The following CATSPER2 variants were observed in gnomAD, a reference collection of about 807,000 sequenced individuals.
CATSPER2 encodes the protein cation channel sperm-associated protein 2.
Under a neutral mutation model 68.8 loss-of-function variants are expected in CATSPER2, and 56 were observed. The observed-to-expected ratio is 0.81, with a 90% CI of 0.66 to 1.02. The LOEUF (loss-of-function observed/expected upper bound fraction) is 1.02. Ranked by LOEUF, CATSPER2 falls within the 50% of genes least tolerant of loss-of-function variation. The pLI is 0.00. For missense variants in CATSPER2, 582 were observed against 642.0 expected (o/e 0.91, Z 1.01); for synonymous variants, 198 against 229.9 (o/e 0.86, Z 1.26).
rs1242751753 is a variant in CATSPER2, at chr15:43,640,440, C to T, written c.445G>A (p.Ala149Thr). 6 of 1,613,178 alleles carry T rather than the reference C, an allele frequency of 3.7e-6. 1 individual carries two copies. Among genetic ancestry groups the T allele is most frequent in the Non-Finnish European group, 5.1e-6 (6 of 1,179,442 alleles). The change falls in exon 5 of 13, where the codon GCA becomes ACA. Residue 149 changes from alanine (A) to threonine (T), a missense_variant. By Grantham distance (58) the Ala-to-Thr change is moderately conservative (BLOSUM62 0). Transcript: ENST00000396879. ...LWPLKLTLEV[A>T]AWFILLIFIL... ...AAAATAAGCAAGATAAACCAAGCTG[C>T]CACCTCCAAGGTCAGCTTCAATGGC...
At chr15:43,630,847 CTTTAAA>C in intron 12 of CATSPER2, 115 bp from the exon 13 acceptor site, 1 of 1,594,728 alleles carries the variant, frequency 6.3e-7, no homozygotes, top group Non-Finnish European at 8.6e-7. Flanking sequence ...CTTTACTAAT[CTTTAAA>C]TTAAGCCATA....
At chr15:43,641,809 A>C (rs2086079586) in intron 4 of CATSPER2, among the ~76,000 whole-genome samples, 1 of 151,960 alleles carries the variant, frequency 6.6e-6, no homozygotes, top group Non-Finnish European at 1.5e-5. Flanking sequence ...TCCGGGCTCA[A>C]GAGCCTCTGG....
At chr15:43,638,258 C>G (rs902685279) in intron 7 of CATSPER2, among the ~76,000 whole-genome samples, 9 of 140,690 alleles carry the variant, frequency 6.4e-5, no homozygotes, top group Admixed American at 1.4e-4. Flanking sequence ...CCAGCCTATT[C>G]CCATTTTTCT....
Position 43,646,292 on chromosome 15 carries a change from T to TC in CATSPER2, c.388+757dup, listed in dbSNP as rs760503019. ...TTGAGAGCCTCCAAATATTAATATT[T>TC]CTTTTTTTTTTGAGATGGGGTGCAG... On this transcript the variant is annotated intron_variant, in intron 4 of 12. Coordinates refer to ENST00000396879, the MANE Select transcript of CATSPER2 (RefSeq NM_172095.4). Among the ~76,000 whole-genome samples the TC allele has an allele frequency of 3.9e-4, 54 of 137,340 alleles. 2 individuals are homozygous for TC. The highest frequency in any genetic ancestry group is 6.1e-4 in the Non-Finnish European group (41 of 66,966). The allele number at this position is 137,340 out of a possible 152,430, so 90.1% of individuals were successfully genotyped here.
At chr15:43,631,800 T>G (rs1452894173) in intron 12 of CATSPER2, among the ~76,000 whole-genome samples, 6 of 151,924 alleles carry the variant, frequency 3.9e-5, no homozygotes, top group Non-Finnish European at 8.8e-5. Context: ...GCTTGAGGCT[T>G]AGGCCCTGCT....
At chr15:43,641,012 CTT>C (rs2086062764) in intron 4 of CATSPER2, among the ~76,000 whole-genome samples, 1 of 151,886 alleles carries the variant, frequency 6.6e-6, no homozygotes, top group South Asian at 2.1e-4. Flanking sequence ...TCTTTTAAAA[CTT>C]TTCCTTTCTT....
At chr15:43,643,182 A>C (rs1450627088) in intron 4 of CATSPER2, among the ~76,000 whole-genome samples, 1 of 151,950 alleles carries the variant, frequency 6.6e-6, no homozygotes, top group African/African-American at 2.4e-5. Flanking sequence ...AATACCAGGT[A>C]AATTCACATT....
At chr15:43,637,779 G>C (rs556929143) in intron 7 of CATSPER2, 1 of 151,846 alleles carries the variant, frequency 6.6e-6, no homozygotes, top group African/African-American at 2.4e-5. Flanking sequence ...ATAGGCGTGT[G>C]CATGTGTAAT....
At chr15:43,638,291 T>TTTTTTTTC (rs1595976551) in intron 7 of CATSPER2, among the ~76,000 whole-genome samples, 3 of 127,916 alleles carry the variant, frequency 2.3e-5, no homozygotes, top group South Asian at 2.6e-4. Context: ...TCTTTCTTTT[T>TTTTTTTTC]TTTTTTTTTT....
In CATSPER2 at chr15:43,629,573, G is replaced by A. The variant is rs1345803420; in HGVS notation, c.*1128C>T. ...ATTTTTAATAATAAACATGTCTAAAGACTTAAGTCTTCTAACGATGGAATG... is the reference window on the plus strand; with the variant it reads ...ATTTTTAATAATAAACATGTCTAAAAACTTAAGTCTTCTAACGATGGAATG... On this transcript the variant is annotated 3_prime_UTR_variant, in exon 13 of 13. Transcript: ENST00000396879. 1 of 141,794 alleles carries A rather than the reference G, an allele frequency of 7.1e-6. No homozygotes were observed. Among genetic ancestry groups the A allele is most frequent in the Non-Finnish European group, 1.5e-5 (1 of 67,142 alleles). The allele number at this position is 141,794 out of a possible 1,614,324, so 8.8% of individuals were successfully genotyped here.
At position 43,648,734 on chromosome 15, in the gene CATSPER2, G is replaced by C; in HGVS notation, c.-108C>G. The stretch of plus-strand genomic sequence containing the variant: ...CCTATGCAAGACGAGCTCAGGGCCG[G>C]CTCCCAGCCTCACTGCGCCCCATTC... On this transcript the variant is annotated 5_prime_UTR_variant, in exon 1 of 13. Coordinates refer to ENST00000396879, the MANE Select transcript of CATSPER2 (RefSeq NM_172095.4). 1 of 1,517,650 alleles carries C rather than the reference G, an allele frequency of 6.6e-7. No homozygotes were observed. Among genetic ancestry groups the C allele is most frequent in the Admixed American group, 2.1e-5 (1 of 48,686 alleles). 94.0% of individuals were successfully genotyped at this position (1,517,650 alleles called of 1,614,324 possible). A position where few individuals can be genotyped will look rare whatever the true frequency, so the allele number is the denominator to read the frequency against.
intron 6 of CATSPER2, chr15:43,639,439 G>C: frequency 7.3e-6 from 1 of 137,422 alleles, no homozygotes; most frequent in African/African-American, 5.8e-5. Context: ...TTTTTTTTTG[G>C]TATTTTTAGT....
In CATSPER2 at chr15:43,648,657, G is replaced by A. The variant is rs955301463; in HGVS notation, c.-31C>T. 12 of 1,416,916 alleles carry A rather than the reference G, an allele frequency of 8.5e-6. No homozygotes were observed. Among genetic ancestry groups the A allele is most frequent in the South Asian group, 1.5e-5 (1 of 66,526 alleles). 87.8% of individuals were successfully genotyped at this position (1,416,916 alleles called of 1,614,324 possible). A position where few individuals can be genotyped will look rare whatever the true frequency, so the allele number is the denominator to read the frequency against. ...AGCCCAGGTTCTCTTTGCCCACTCA[G>A]TCCTTATTTCACGCTTCCGCCTCCA... On this transcript the variant is annotated 5_prime_UTR_variant, in exon 1 of 13. Transcript: ENST00000396879.
intron 4 of CATSPER2, 75 bp downstream of exon 4, chr15:43,646,975 C>G (rs1436976704): frequency 1.5e-6 from 2 of 1,330,288 alleles, no homozygotes; most frequent in Non-Finnish European, 1.1e-6. Flanking sequence ...CCCCGGCCTC[C>G]CAAAGTGCTA....
chr15:43,632,110 C>T (rs941850133), intron 12 of CATSPER2, 89 bp downstream of exon 12: 93 of 1,418,544 alleles, frequency 6.6e-5, no homozygotes, highest in Non-Finnish European at 9.1e-5. Flanking sequence ...AGCTGAGATG[C>T]CAGAATAGTG....
rs892120392 is a variant in CATSPER2 at position 43,642,339 on chromosome 15, C to T, written c.389-1843G>A. 7 of 151,848 alleles carry T rather than the reference C, an allele frequency of 4.6e-5. 1 individual carries two copies. The highest frequency in any genetic ancestry group is 1.7e-4 in the African/African-American group (7 of 41,308). The allele number at this position is 151,848 out of a possible 1,614,324, so 9.4% of individuals were successfully genotyped here. A position where few individuals can be genotyped will look rare whatever the true frequency, so the allele number is the denominator to read the frequency against. Reference sequence around the variant, plus strand: ...GGTCTCCATCTCTAGACCTCGTGATCTGCCCACCTCGGCCTCCCAAAGTGA... The same window carrying T: ...GGTCTCCATCTCTAGACCTCGTGATTTGCCCACCTCGGCCTCCCAAAGTGA... On this transcript the variant is annotated intron_variant, in intron 4 of 12. Transcript: ENST00000396879.
chr15:43,641,123 T>G (rs1285567206), intron 4 of CATSPER2, among the ~76,000 whole-genome samples: 1 of 92,730 alleles, frequency 1.1e-5, no homozygotes, highest in African/African-American at 9.6e-5. Context: ...TTGTTTTTTG[T>G]TTTTTTTTTT....
chr15:43,647,833 C>T, intron 2 of CATSPER2, 84 bp downstream of exon 2: 2 of 1,485,106 alleles, frequency 1.3e-6, no homozygotes, highest in Non-Finnish European at 1.9e-6. Flanking sequence ...AGCAACTAAA[C>T]CTCCCCAGAA....
At chr15:43,642,017 T>A (rs1428601540) in intron 4 of CATSPER2, among the ~76,000 whole-genome samples, 2 of 151,964 alleles carry the variant, frequency 1.3e-5, no homozygotes, top group Non-Finnish European at 2.9e-5. Context: ...TTATTTAGGC[T>A]CTGTACTTCT....
Sources: allele counts gnomAD v4.1 joint callset (sites outside exome capture counted in the v4.1 genomes callset), GRCh38; gene constraint gnomAD v4.1.1; transcripts MANE v1.5; gene names NCBI Gene and HGNC (gene_info 2026-07-23, HGNC 2026-07-21).